NCOA6: variants seen among roughly 807,000 people sequenced by gnomAD.
NCOA6 encodes nuclear receptor coactivator 6.
In NCOA6, 49 loss-of-function variants were observed where a neutral mutation model predicts 171.4. That is an observed-to-expected ratio of 0.29 (90% CI 0.23 to 0.36). The LOEUF is 0.36. Ranked by LOEUF, NCOA6 falls within the 10% of genes least tolerant of loss-of-function variation. NCOA6 has a pLI of 1.00. For synonymous variants in NCOA6, 910 were observed against 927.5 expected, an observed-to-expected ratio of 0.98 and a Z score of 0.34; for missense variants, 2,248 against 2,554.5, an observed-to-expected ratio of 0.88 and a Z score of 2.59.
chr20:34,760,551 A>G (rs896626794), intron 5 of NCOA6, among the ~76,000 whole-genome samples: 3 of 152,190 alleles, frequency 2.0e-5, no homozygotes, highest in Non-Finnish European at 4.4e-5. Context: ...TATGCTCTGG[A>G]AGAATGTGTG....
At position 34,750,350 on chromosome 20, in the gene NCOA6, C is replaced by T. The variant is rs1304840581; in HGVS notation, c.1845G>A (p.Gln615=). ...NLSNMQGQPQ[Q]GPPSQLMGMH... is the part of the protein sequence containing the mutation. Reference sequence around the variant, plus strand: ...TGCCCATCAGCTGAGATGGTGGGCCCTGCTGGGGCTGGCCTTGCATGTTGC... The same window carrying T: ...TGCCCATCAGCTGAGATGGTGGGCCTTGCTGGGGCTGGCCTTGCATGTTGC... The change falls in exon 9 of 15, where the codon CAG becomes CAA. Residue 615 remains glutamine (Q), a synonymous_variant. Coordinates refer to ENST00000359003, the MANE Select transcript of NCOA6 (RefSeq NM_014071.5). 6.2e-7 allele frequency: 1 copy of T among 1,614,074 alleles called. No individual in the cohort carries two copies. The highest frequency in any genetic ancestry group is 2.2e-5 in the East Asian group (1 of 44,866).
chr20:34,820,565 G>C lies in NCOA6; in HGVS notation c.-164+4907C>G, dbSNP rs1027249455. On this transcript the variant is annotated intron_variant, in intron 1 of 14. Transcript: ENST00000359003. The stretch of plus-strand genomic sequence containing the variant: ...ACGGGTGGATCACTTGAGGTCAGGA[G>C]TTTGAGACCAGCCTGGCCAACATGA... 3 of 152,064 alleles carry C rather than the reference G, an allele frequency of 2.0e-5. No individual in the cohort carries two copies. In the East Asian group the frequency reaches 5.8e-4, roughly 29 times the overall value. The allele number at this position is 152,064 out of a possible 1,614,324, so 9.4% of individuals were successfully genotyped here. A position where few individuals can be genotyped will look rare whatever the true frequency, so the allele number is the denominator to read the frequency against.
At chr20:34,799,561 C>T (rs942798959) in intron 1 of NCOA6, among the ~76,000 whole-genome samples, 7 of 151,832 alleles carry the variant, frequency 4.6e-5, no homozygotes, top group Non-Finnish European at 1.0e-4. Context: ...CAAAGGTCAA[C>T]GATAAAGAAA....
chr20:34,811,614 G>A (rs910810059), intron 1 of NCOA6, among the ~76,000 whole-genome samples: 13 of 152,094 alleles, frequency 8.5e-5, no homozygotes, highest in Non-Finnish European at 1.8e-4. Context: ...TTCCATGGAT[G>A]CATTTATTTG....
At chr20:34,770,920 G>A (rs1002053590) in intron 4 of NCOA6, among the ~76,000 whole-genome samples, 23 of 151,678 alleles carry the variant, frequency 1.5e-4, no homozygotes, top group African/African-American at 4.8e-4. Context: ...ATGAGCCACC[G>A]TGCCAGGCCA....
chr20:34,747,916 A>AGCC (rs1168302454), intron 9 of NCOA6, among the ~76,000 whole-genome samples: 3 of 152,228 alleles, frequency 2.0e-5, no homozygotes, highest in Admixed American at 1.3e-4. Context: ...TATCTGGTCC[A>AGCC]GCCCCATCAT....
intron 4 of NCOA6, among the ~76,000 whole-genome samples, chr20:34,773,141 G>A (rs926165474): frequency 7.9e-5 from 12 of 152,132 alleles, no homozygotes; most frequent in African/African-American, 2.7e-4. Flanking sequence ...TTTACATATC[G>A]CCTATGGCTG....
chr20:34,748,350 C>G (rs1028846758), intron 9 of NCOA6, among the ~76,000 whole-genome samples: 5 of 152,118 alleles, frequency 3.3e-5, no homozygotes, highest in Non-Finnish European at 7.4e-5. Flanking sequence ...GCATAAGATT[C>G]AAGAAGAGGC....
At chr20:34,815,003 A>C (rs2078786398) in intron 1 of NCOA6, among the ~76,000 whole-genome samples, 1 of 152,210 alleles carries the variant, frequency 6.6e-6, no homozygotes, top group African/African-American at 2.4e-5. Flanking sequence ...AAAGCACCTG[A>C]GGGCTATTAC....
intron 2 of NCOA6, among the ~76,000 whole-genome samples, chr20:34,786,801 T>C (rs2077695401): frequency 6.6e-6 from 1 of 152,160 alleles, no homozygotes; most frequent in African/African-American, 2.4e-5. Flanking sequence ...ACCCCTTCCT[T>C]ACGCCATCCT....
chr20:34,772,468 A>C (rs1362489470), intron 4 of NCOA6, among the ~76,000 whole-genome samples: 1 of 152,236 alleles, frequency 6.6e-6, no homozygotes, highest in Non-Finnish European at 1.5e-5. Context: ...AAGAATTATA[A>C]GCATTTTTCT....
chr20:34,770,015 T>C (rs2077097701), intron 4 of NCOA6, among the ~76,000 whole-genome samples: 1 of 151,560 alleles, frequency 6.6e-6, no homozygotes, highest in Admixed American at 6.6e-5. Context: ...CAGTTTCCTC[T>C]GTTCTGTCAC....
chr20:34,795,848 T>C (rs908372410), intron 1 of NCOA6, among the ~76,000 whole-genome samples: 1 of 152,172 alleles, frequency 6.6e-6, no homozygotes, highest in African/African-American at 2.4e-5. Context: ...AGAAGATGCA[T>C]GCTAAAGCAC....
At position 34,811,201 on chromosome 20, in the gene NCOA6, GTATATATATATATATA is replaced by G. The variant is rs10700283; in HGVS notation, c.-164+14255_-164+14270del. 1.7e-4 allele frequency among the ~76,000 whole-genome samples: 9 copies of G among 53,838 alleles called. 1 individual carries two copies. The highest frequency in any genetic ancestry group is 5.4e-4 in the East Asian group (1 of 1,838). The allele number at this position is 53,838 out of a possible 152,430, so 35.3% of individuals were successfully genotyped here. ...TATTTAACAACAACAACAACAACGT[GTATATATATATATATA>G]TATATATATATATATATATGCTTTC... is the stretch of plus-strand genomic sequence containing the variant. On this transcript the variant is annotated intron_variant, in intron 1 of 14. Coordinates refer to ENST00000359003, the MANE Select transcript of NCOA6 (RefSeq NM_014071.5).
intron 14 of NCOA6, among the ~76,000 whole-genome samples, chr20:34,718,652 T>C (rs1439018362): frequency 1.3e-5 from 2 of 152,148 alleles, no homozygotes; most frequent in Non-Finnish European, 2.9e-5. Flanking sequence ...ATTACAGGCA[T>C]GCACCACCAC....
intron 14 of NCOA6, among the ~76,000 whole-genome samples, chr20:34,718,475 A>T (rs1988875479): frequency 6.7e-6 from 1 of 148,852 alleles, no homozygotes; most frequent in African/African-American, 2.5e-5. Flanking sequence ...GAATAGGCAA[A>T]TCACCTTTTT....
intron 3 of NCOA6, chr20:34,776,739 CA>C: frequency 1.9e-6 from 1 of 522,274 alleles, no homozygotes; most frequent in Non-Finnish European, 3.7e-6. Context: ...ATAATATATG[CA>C]AAAAATCTAG....
intron 4 of NCOA6, among the ~76,000 whole-genome samples, chr20:34,775,990 A>G (rs1398985358): frequency 6.6e-6 from 1 of 152,234 alleles, no homozygotes; most frequent in Non-Finnish European, 1.5e-5. Flanking sequence ...AAATAAATAA[A>G]TAAGACAAAT....
At chr20:34,768,216 A>G (rs1600931947) in intron 5 of NCOA6, among the ~76,000 whole-genome samples, 1 of 152,274 alleles carries the variant, frequency 6.6e-6, no homozygotes, top group East Asian at 1.9e-4. Flanking sequence ...ACACAACAGG[A>G]AGTCAATAAA....
Sources: gnomAD v4.1 joint callset for allele counts (sites outside exome capture counted in the v4.1 genomes callset) on GRCh38, gnomAD v4.1.1 for gene constraint, MANE v1.5 for transcripts, NCBI Gene and HGNC (gene_info 2026-07-23, HGNC 2026-07-21) for gene names.